The following TAFA1 variants were observed in gnomAD, a reference collection of about 807,000 sequenced individuals.
TAFA1 encodes the protein chemokine-like protein TAFA-1.
In TAFA1, 4 loss-of-function variants were observed where a neutral mutation model predicts 18.5. The ratio of observed to expected loss-of-function variants is 0.22; its 90% CI spans 0.11 to 0.49. The LOEUF is 0.49. TAFA1 is among the 20% of genes least tolerant of loss of function. The pLI is 0.98. For missense variants in TAFA1, 147 were observed against 169.0 expected, an observed-to-expected ratio of 0.87 and a Z score of 0.72; for synonymous variants, 56 against 55.2, an observed-to-expected ratio of 1.01 and a Z score of -0.06.
chr3:68,000,833 G>A (rs973812347), upstream of TAFA1, among the ~76,000 whole-genome samples: 3 of 152,198 alleles, frequency 2.0e-5, no homozygotes, highest in Non-Finnish European at 4.4e-5. Flanking sequence ...GAATTAATAG[G>A]TGGTAGTGAC....
chr3:68,134,696 T>C (rs2065585997), intron 2 of TAFA1, among the ~76,000 whole-genome samples: 1 of 152,134 alleles, frequency 6.6e-6, no homozygotes, highest in African/African-American at 2.4e-5. Flanking sequence ...CAAATACCTA[T>C]CGACTCCATG....
At chr3:67,992,347 C>A in the TAFA1 span, among the ~76,000 whole-genome samples, 1 of 152,176 alleles carries the variant, frequency 6.6e-6, no homozygotes, top group Non-Finnish European at 1.5e-5. Context: ...TGACAATATA[C>A]TTAGAGAGGC....
At chr3:68,496,945 C>T (rs1198863732) in intron 3 of TAFA1, among the ~76,000 whole-genome samples, 1 of 152,228 alleles carries the variant, frequency 6.6e-6, no homozygotes, top group East Asian at 1.9e-4. Flanking sequence ...AATGCTACTG[C>T]TACTGCTGTT....
chr3:68,354,522 C>G (rs190301359), intron 2 of TAFA1, among the ~76,000 whole-genome samples: 5 of 151,860 alleles, frequency 3.3e-5, no homozygotes. Flanking sequence ...TCTTGCTATA[C>G]AGTGAAGAGA....
At chr3:68,028,186 G>A (rs1704857079) in intron 2 of TAFA1, among the ~76,000 whole-genome samples, 1 of 152,070 alleles carries the variant, frequency 6.6e-6, no homozygotes, top group South Asian at 2.1e-4. Context: ...TGTAATCCCA[G>A]CTACCCAGGA....
chr3:68,094,390 G>A (rs73834826), intron 2 of TAFA1, among the ~76,000 whole-genome samples: 3,469 of 152,220 alleles, frequency 0.023, 51 homozygotes, highest in Middle Eastern at 0.037. Context: ...AGGGCTCTTA[G>A]TCTATTATAT....
intron 3 of TAFA1, chr3:68,417,679 C>G (rs1454781027): frequency 7.0e-6 from 3 of 431,522 alleles, no homozygotes; most frequent in Non-Finnish European, 1.3e-5. Flanking sequence ...TGAGAGGTGA[C>G]TGGGCTGTGA....
chr3:68,037,918 TGC>T (rs1491188586), intron 2 of TAFA1, among the ~76,000 whole-genome samples: 1 of 152,202 alleles, frequency 6.6e-6, no homozygotes, highest in Non-Finnish European at 1.5e-5. Flanking sequence ...ATTGTGTGCG[TGC>T]TCTCTCTCTC....
chr3:68,107,310 C>T (rs1312852189), intron 2 of TAFA1, among the ~76,000 whole-genome samples: 1 of 152,122 alleles, frequency 6.6e-6, no homozygotes, highest in East Asian at 1.9e-4. Context: ...GAAATGAAAA[C>T]ATATTCATCC....
chr3:68,054,928 A>G (rs1390551878), intron 2 of TAFA1, among the ~76,000 whole-genome samples: 3 of 152,096 alleles, frequency 2.0e-5, no homozygotes, highest in Admixed American at 1.3e-4. Flanking sequence ...AGTACTACGT[A>G]TGTTTGTCTT....
chr3:68,508,614 T>C (rs762217069), intron 3 of TAFA1, among the ~76,000 whole-genome samples: 2 of 152,022 alleles, frequency 1.3e-5, no homozygotes, highest in Non-Finnish European at 2.9e-5. Context: ...ATCCTACATA[T>C]CTGAGATGCA....
upstream of TAFA1, among the ~76,000 whole-genome samples, chr3:68,003,027 T>C (rs557107520): frequency 6.6e-6 from 1 of 152,348 alleles, no homozygotes; most frequent in South Asian, 2.1e-4. Context: ...TGAACAATAA[T>C]AATGAGGCAC....
rs1011490827 is a variant in TAFA1 at position 68,435,203 on chromosome 3, A to G, written c.259+17783A>G. On this transcript the variant is annotated intron_variant, in intron 3 of 4. Transcript: ENST00000478136. ...GGTAAGAGGATGGGATCGAATGTCC[A>G]TGGCAGAAACAATGGCATGTGCAAA... Among the ~76,000 whole-genome samples, 8 of 152,240 alleles carry G rather than the reference A, an allele frequency of 5.3e-5. No individual in the cohort carries two copies. In the East Asian group the frequency reaches 1.4e-3, roughly 26 times the overall value.
At chr3:68,410,758 AC>A (rs1228959609) in intron 2 of TAFA1, among the ~76,000 whole-genome samples, 1 of 149,748 alleles carries the variant, frequency 6.7e-6, no homozygotes, top group Non-Finnish European at 1.5e-5. Flanking sequence ...CTAAGGAAGC[AC>A]CTAAATGACT....
At chr3:68,243,361 T>A (rs962541031) in intron 2 of TAFA1, among the ~76,000 whole-genome samples, 1 of 151,306 alleles carries the variant, frequency 6.6e-6, no homozygotes, top group African/African-American at 2.4e-5. Context: ...TGTGTAGATC[T>A]ATGCTCACAT....
chr3:68,215,080 A>T (rs1041375826), intron 2 of TAFA1, among the ~76,000 whole-genome samples: 11 of 152,098 alleles, frequency 7.2e-5, no homozygotes, highest in African/African-American at 2.2e-4. Context: ...TCATTAGCCC[A>T]GTATGCTAAG....
intron 3 of TAFA1, among the ~76,000 whole-genome samples, chr3:68,479,241 A>AATATATAT (rs397989986): frequency 1.7e-4 from 21 of 123,670 alleles, no homozygotes; most frequent in African/African-American, 4.3e-4. Flanking sequence ...AAAAAAAAAA[A>AATATATAT]ATATATATAT....
chr3:68,476,364 C>G (rs894917817), intron 3 of TAFA1, among the ~76,000 whole-genome samples: 2 of 152,138 alleles, frequency 1.3e-5, no homozygotes, highest in Non-Finnish European at 2.9e-5. Context: ...GTGCTCGGGA[C>G]CTGTCCTGTT....
At chr3:68,312,426 T>G (rs1288453885) in intron 2 of TAFA1, among the ~76,000 whole-genome samples, 2 of 152,198 alleles carry the variant, frequency 1.3e-5, no homozygotes, top group Non-Finnish European at 2.9e-5. Context: ...GGCACCCAAG[T>G]CACCTCTTGA....
Sources: allele counts gnomAD v4.1 joint callset (sites outside exome capture counted in the v4.1 genomes callset), GRCh38; gene constraint gnomAD v4.1.1; transcripts MANE v1.5; gene names NCBI Gene and HGNC (gene_info 2026-07-23, HGNC 2026-07-21).